The following GALNT13 variants were observed in gnomAD, a reference collection of about 807,000 sequenced individuals.
GALNT13 encodes the protein UDP-GalNAc:polypeptide N-acetylgalactosaminyltransferase 13.
Under a neutral mutation model 64.2 loss-of-function variants are expected in GALNT13, and 28 were observed. The ratio of observed to expected loss-of-function variants is 0.44; its 90% confidence interval spans 0.32 to 0.60. The LOEUF is 0.60. Ranked by LOEUF, GALNT13 falls within the 20% of genes least tolerant of loss-of-function variation. GALNT13 has a pLI of 0.05. For synonymous variants in GALNT13, 214 were observed against 224.6 expected (o/e 0.95, Z 0.42); for missense variants, 577 against 669.8 (o/e 0.86, Z 1.53).
intron 2 of GALNT13, among the ~76,000 whole-genome samples, chr2:153,932,084 T>C (rs1442918160): frequency 6.6e-6 from 1 of 152,164 alleles, no homozygotes; most frequent in East Asian, 1.9e-4. Context: ...TCTGTGTTAA[T>C]AGAGGTGTTT....
the GALNT13 span, among the ~76,000 whole-genome samples, chr2:153,345,693 TTC>T: frequency 7.7e-6 from 1 of 130,320 alleles, no homozygotes; most frequent in African/African-American, 2.8e-5. Flanking sequence ...CTTTCTTTCT[TTC>T]TTTCTTTCTC....
chr2:153,106,363 C>T, the GALNT13 span, among the ~76,000 whole-genome samples: 1 of 152,202 alleles, frequency 6.6e-6, no homozygotes, highest in Admixed American at 6.6e-5. Flanking sequence ...CGTCTGAACT[C>T]CTCCTTGAAG....
At chr2:153,613,315 C>T in the GALNT13 span, among the ~76,000 whole-genome samples, 1 of 152,058 alleles carries the variant, frequency 6.6e-6, no homozygotes, top group Admixed American at 6.6e-5. Context: ...ACAGGGTATC[C>T]AGATTTTATA....
intron 3 of GALNT13, among the ~76,000 whole-genome samples, chr2:154,137,367 C>T (rs1474209858): frequency 6.6e-6 from 1 of 151,888 alleles, no homozygotes; most frequent in Non-Finnish European, 1.5e-5. Flanking sequence ...GAAGCTGTAA[C>T]AGAAGAATGT....
the GALNT13 span, among the ~76,000 whole-genome samples, chr2:153,598,010 G>A: frequency 6.6e-6 from 1 of 152,016 alleles, no homozygotes. Flanking sequence ...ACCTACTTTA[G>A]AAAAACAGCT....
At chr2:153,884,644 C>G (rs1393788692) in intron 1 of GALNT13, among the ~76,000 whole-genome samples, 1 of 150,934 alleles carries the variant, frequency 6.6e-6, no homozygotes, top group African/African-American at 2.4e-5. Flanking sequence ...ATCTTTAAAG[C>G]AACAGGTGCT....
chr2:153,530,788 A>G, the GALNT13 span, among the ~76,000 whole-genome samples: 1 of 152,328 alleles, frequency 6.6e-6, no homozygotes, highest in South Asian at 2.1e-4. Flanking sequence ...TGCACTGAGG[A>G]AAAGACAATG....
intron 9 of GALNT13, among the ~76,000 whole-genome samples, chr2:154,302,894 C>T (rs905895351): frequency 2.0e-5 from 3 of 152,098 alleles, no homozygotes; most frequent in African/African-American, 7.2e-5. Flanking sequence ...GTGCTAAACT[C>T]TCAGTTAATC....
chr2:153,379,045 C>A, the GALNT13 span, among the ~76,000 whole-genome samples: 1 of 152,062 alleles, frequency 6.6e-6, no homozygotes, highest in South Asian at 2.1e-4. Flanking sequence ...TAGGACCCAA[C>A]CTTAGATCCT....
At chr2:154,094,784 C>T (rs951437410) in intron 3 of GALNT13, among the ~76,000 whole-genome samples, 5 of 151,826 alleles carry the variant, frequency 3.3e-5, no homozygotes, top group African/African-American at 1.2e-4. Flanking sequence ...AGTTATCTTG[C>T]TTACCTTCAT....
At chr2:153,394,201 A>G in the GALNT13 span, among the ~76,000 whole-genome samples, 1 of 152,084 alleles carries the variant, frequency 6.6e-6, no homozygotes, top group Admixed American at 6.6e-5. Context: ...CAGCAACACT[A>G]TGATGGACAT....
At chr2:153,711,124 A>C in the GALNT13 span, among the ~76,000 whole-genome samples, 3 of 152,126 alleles carry the variant, frequency 2.0e-5, no homozygotes, top group Non-Finnish European at 4.4e-5. Context: ...CAGCTCTCCA[A>C]ACCATTTTCA....
At chr2:154,031,400 T>C (rs1199750969) in intron 3 of GALNT13, among the ~76,000 whole-genome samples, 3 of 152,018 alleles carry the variant, frequency 2.0e-5, no homozygotes, top group African/African-American at 7.2e-5. Context: ...AGATTTTTAA[T>C]TTAACAGTGT....
At chr2:154,086,525 G>T (rs1176149614) in intron 3 of GALNT13, among the ~76,000 whole-genome samples, 1 of 151,106 alleles carries the variant, frequency 6.6e-6, no homozygotes, top group Non-Finnish European at 1.5e-5. Flanking sequence ...TCAGGGTTCT[G>T]TATATCCATT....
At chr2:153,970,836 G>C (rs754935976) in intron 3 of GALNT13, among the ~76,000 whole-genome samples, 1 of 152,070 alleles carries the variant, frequency 6.6e-6, no homozygotes, top group Non-Finnish European at 1.5e-5. Context: ...AGCACATCCT[G>C]TTTGCATTAT....
the GALNT13 span, among the ~76,000 whole-genome samples, chr2:153,386,795 T>C: frequency 6.6e-6 from 1 of 152,060 alleles, no homozygotes; most frequent in African/African-American, 2.4e-5. Context: ...GCCAGGCCTC[T>C]GGGAGAAATA....
At chr2:153,135,429 TCTG>T in the GALNT13 span, among the ~76,000 whole-genome samples, 1 of 152,134 alleles carries the variant, frequency 6.6e-6, no homozygotes, top group Non-Finnish European at 1.5e-5. Flanking sequence ...TGTCTTAGTT[TCTG>T]CTTTCATTGT....
chr2:153,583,811 T>C, the GALNT13 span, among the ~76,000 whole-genome samples: 1 of 152,160 alleles, frequency 6.6e-6, no homozygotes, highest in Non-Finnish European at 1.5e-5. Context: ...TAGGGAAACT[T>C]GTGCAGCACT....
At chr2:153,556,816 C>T in the GALNT13 span, among the ~76,000 whole-genome samples, 1 of 152,194 alleles carries the variant, frequency 6.6e-6, no homozygotes, top group Non-Finnish European at 1.5e-5. Flanking sequence ...CTGCTGGATT[C>T]AACCTGAAGT....
Sources: gnomAD v4.1 joint callset for allele counts (sites outside exome capture counted in the v4.1 genomes callset) on GRCh38, gnomAD v4.1.1 for gene constraint, MANE v1.5 for transcripts, NCBI Gene and HGNC (gene_info 2026-07-23, HGNC 2026-07-21) for gene names.